The following DNAH8 variants were observed in gnomAD, a reference collection of about 807,000 sequenced individuals.
The protein encoded by DNAH8 is dynein axonemal heavy chain 8.
DNAH8 carries 382 observed loss-of-function variants against 562.1 expected under a neutral mutation model. That is an observed-to-expected ratio of 0.68 (90% confidence interval 0.63 to 0.74). DNAH8 has a LOEUF of 0.74. Ranked by LOEUF, DNAH8 falls within the 30% of genes least tolerant of loss-of-function variation. The pLI is 0.00. For missense variants in DNAH8, 5,203 were observed against 5,620.4 expected, an observed-to-expected ratio of 0.93 and a Z score of 2.37; for synonymous variants, 1,881 against 1,919.4, an observed-to-expected ratio of 0.98 and a Z score of 0.52.
intron 79 of DNAH8, among the ~76,000 whole-genome samples, chr6:38,943,840 A>G (rs1783643268): frequency 6.6e-6 from 1 of 152,182 alleles, no homozygotes; most frequent in South Asian, 2.1e-4. Context: ...ATACTGTTCT[A>G]GGTACATTAA....
intron 45 of DNAH8, 138 bp from the exon 46 acceptor site, chr6:38,866,453 T>G: frequency 1.6e-6 from 1 of 625,642 alleles, no homozygotes; most frequent in Non-Finnish European, 2.7e-6. Flanking sequence ...ACATATTGTT[T>G]TGAGAAAACA....
intron 38 of DNAH8, 66 bp from the exon 39 acceptor site, chr6:38,851,506 A>G: frequency 2.2e-6 from 2 of 929,970 alleles, no homozygotes; most frequent in East Asian, 5.0e-5. Context: ...TTATGTCTTG[A>G]CTAAAAAAAT....
At chr6:38,853,122 A>G in intron 40 of DNAH8, 64 bp from the exon 41 acceptor site, 9 of 1,273,858 alleles carry the variant, frequency 7.1e-6, no homozygotes, top group Non-Finnish European at 1.0e-5. Flanking sequence ...TTAAGTGTGC[A>G]TGGAACGTCT....
At chr6:38,960,620 C>T (rs762963156) in intron 82 of DNAH8, among the ~76,000 whole-genome samples, 1 of 151,896 alleles carries the variant, frequency 6.6e-6, no homozygotes, top group East Asian at 1.9e-4. Flanking sequence ...AAACCAGTAA[C>T]ACATGCTGGC....
chr6:38,765,097 A>G (rs1766877289), intron 11 of DNAH8, among the ~76,000 whole-genome samples: 1 of 152,162 alleles, frequency 6.6e-6, no homozygotes, highest in African/African-American at 2.4e-5. Flanking sequence ...CAGCCTCCCA[A>G]AGTGTTGGGA....
chr6:38,898,174 T>G, intron 60 of DNAH8, 84 bp from the exon 61 acceptor site: 1 of 1,220,166 alleles, frequency 8.2e-7, no homozygotes, highest in South Asian at 1.5e-5. Flanking sequence ...ATTTTAAAAT[T>G]ACTTTTGAGT....
chr6:38,961,831 G>A (rs745485720), intron 82 of DNAH8, among the ~76,000 whole-genome samples: 2 of 152,012 alleles, frequency 1.3e-5, no homozygotes, highest in East Asian at 3.9e-4. Flanking sequence ...AGAAGATATG[G>A]CTAATGTATT....
At chr6:38,877,486 T>C (rs1298228614) in intron 53 of DNAH8, among the ~76,000 whole-genome samples, 1 of 152,144 alleles carries the variant, frequency 6.6e-6, no homozygotes, top group East Asian at 1.9e-4. Flanking sequence ...CCTGAAGTGG[T>C]CTGTTGACTA....
intron 30 of DNAH8, among the ~76,000 whole-genome samples, chr6:38,830,529 G>A (rs528074216): frequency 5.9e-4 from 90 of 151,536 alleles, no homozygotes; most frequent in African/African-American, 2.1e-3. Flanking sequence ...CAGCTACTTG[G>A]GAGGCTGAGG....
At chr6:38,852,449 T>G (rs1287270802) in intron 39 of DNAH8, among the ~76,000 whole-genome samples, 1 of 152,040 alleles carries the variant, frequency 6.6e-6, no homozygotes, top group African/African-American at 2.4e-5. Flanking sequence ...TGACAGTCCT[T>G]AGTCTAATCT....
chr6:39,020,383 G>T (rs1474856900), intron 91 of DNAH8, among the ~76,000 whole-genome samples: 1 of 152,132 alleles, frequency 6.6e-6, no homozygotes, highest in Non-Finnish European at 1.5e-5. Flanking sequence ...ACGGGGCAGT[G>T]GTTCTCACAC....
At chr6:38,971,711 C>T (rs758136791) in intron 83 of DNAH8, 46 bp downstream of exon 83, 1 of 1,427,972 alleles carries the variant, frequency 7.0e-7, no homozygotes, top group Non-Finnish European at 9.6e-7. Flanking sequence ...TTGCTAGAAA[C>T]CCCACAATCA....
chr6:38,781,251 C>T lies in DNAH8; in HGVS notation c.2140-3C>T, dbSNP rs751491190. 5 of 1,613,346 alleles carry T rather than the reference C, an allele frequency of 3.1e-6. No homozygotes were observed. The South Asian group carries it at 3.3e-5, about 11-fold the overall frequency. On this transcript the variant is annotated splice_region_variant and splice_polypyrimidine_tract_variant and intron_variant, in intron 15 of 92. Transcript: ENST00000327475. Reference sequence around the variant, plus strand: ...AACATTAACATCAGATTTTTAATTACAGCTTTATCATTCTCAGAAAGATGA... The same window carrying T: ...AACATTAACATCAGATTTTTAATTATAGCTTTATCATTCTCAGAAAGATGA...
At chr6:38,715,913 AATAAATAAATAAAT>A (rs1253940821) in intron 1 of DNAH8, among the ~76,000 whole-genome samples, 1 of 43,688 alleles carries the variant, frequency 2.3e-5, no homozygotes, top group East Asian at 6.5e-4. Context: ...AAAATAAATA[AATAAATAAATAAAT>A]ATATATATAT....
chr6:38,852,972 T>C (rs1011936372), intron 40 of DNAH8, among the ~76,000 whole-genome samples, 174 bp downstream of exon 40: 1 of 152,194 alleles, frequency 6.6e-6, no homozygotes, highest in Non-Finnish European at 1.5e-5. Flanking sequence ...AGACTCATTT[T>C]GTAATTTATG....
In DNAH8 at chr6:38,985,563, G is replaced by T. The variant is rs189005737; in HGVS notation, c.13053+1256G>T. Reference sequence around the variant, plus strand: ...ATAAGTGTTGGTGAGAATGTGCGGAGGGAGGAGCCCTGCTGCTGGGAGGTC... The same window carrying T: ...ATAAGTGTTGGTGAGAATGTGCGGATGGAGGAGCCCTGCTGCTGGGAGGTC... On this transcript the variant is annotated intron_variant, in intron 87 of 92. Coordinates refer to ENST00000327475, the MANE Select transcript of DNAH8 (RefSeq NM_001206927.2). Among the ~76,000 whole-genome samples, 13 of 152,296 alleles carry T rather than the reference G, an allele frequency of 8.5e-5. 1 individual carries two copies. The highest frequency in any genetic ancestry group is 1.8e-4 in the Non-Finnish European group (12 of 68,016).
intron 42 of DNAH8, among the ~76,000 whole-genome samples, chr6:38,859,529 G>A (rs1776446945): frequency 6.6e-6 from 1 of 152,208 alleles, no homozygotes; most frequent in Non-Finnish European, 1.5e-5. Flanking sequence ...GGGCCTACTG[G>A]ATTTAAGAGC....
At chr6:38,970,749 AC>A (rs144081925) in intron 82 of DNAH8, among the ~76,000 whole-genome samples, 9,662 of 152,242 alleles carry the variant, frequency 0.063, 401 homozygotes, top group Non-Finnish European at 0.087. Flanking sequence ...TTTTCCTTGT[AC>A]AGGGATTATG....
At chr6:38,728,333 A>G (rs757072149) in intron 3 of DNAH8, among the ~76,000 whole-genome samples, 1 of 152,152 alleles carries the variant, frequency 6.6e-6, no homozygotes, top group Non-Finnish European at 1.5e-5. Context: ...CACTTTACCT[A>G]GTTGATACTC....
Sources: allele counts gnomAD v4.1 joint callset (sites outside exome capture counted in the v4.1 genomes callset), GRCh38; gene constraint gnomAD v4.1.1; transcripts MANE v1.5; gene names NCBI Gene and HGNC (gene_info 2026-07-23, HGNC 2026-07-21).